Variants in CTNND2 observed in about 807,000 individuals in gnomAD.
The protein encoded by CTNND2 is catenin delta 2.
Under a neutral mutation model 144.4 loss-of-function variants are expected in CTNND2, and 22 were observed. That is an observed-to-expected ratio of 0.15 (90% CI 0.11 to 0.22). CTNND2 has a LOEUF of 0.22. Among genes scored for constraint, CTNND2 ranks in the 10% least tolerant of loss-of-function variants. The pLI is 1.00. For missense variants in CTNND2, 1,353 were observed against 1,618.8 expected (o/e 0.84, Z 2.82); for synonymous variants, 751 against 695.6 (o/e 1.08, Z -1.25).
intron 1 of CTNND2, among the ~76,000 whole-genome samples, chr5:11,853,525 C>T (rs1795113318): frequency 6.6e-6 from 1 of 152,244 alleles, no homozygotes; most frequent in African/African-American, 2.4e-5. Flanking sequence ...CAAGTCACTG[C>T]CCACACCTGG....
At chr5:11,177,539 G>A (rs1333518982) in intron 11 of CTNND2, among the ~76,000 whole-genome samples, 2 of 151,826 alleles carry the variant, frequency 1.3e-5, no homozygotes, top group Admixed American at 1.3e-4. Context: ...CAAAATATAT[G>A]TATAAAATAT....
At chr5:11,443,129 T>C (rs906887456) in intron 3 of CTNND2, among the ~76,000 whole-genome samples, 1 of 151,380 alleles carries the variant, frequency 6.6e-6, no homozygotes, top group Non-Finnish European at 1.5e-5. Context: ...GTCACTTTTG[T>C]TTATTACAAC....
At chr5:11,444,496 G>C (rs1183497858) in intron 3 of CTNND2, among the ~76,000 whole-genome samples, 1 of 152,128 alleles carries the variant, frequency 6.6e-6, no homozygotes, top group African/African-American at 2.4e-5. Context: ...GGAAGTATAA[G>C]ATGAAGGGCA....
intron 16 of CTNND2, among the ~76,000 whole-genome samples, chr5:11,070,114 G>GAGAAAATA (rs1345810680): frequency 2.0e-5 from 3 of 152,072 alleles, no homozygotes; most frequent in African/African-American, 7.2e-5. Context: ...CGAAAATTAA[G>GAGAAAATA]AGAAAATAAA....
intron 11 of CTNND2, among the ~76,000 whole-genome samples, chr5:11,174,791 C>G (rs771183884): frequency 4.6e-5 from 7 of 152,128 alleles, no homozygotes; most frequent in Non-Finnish European, 8.8e-5. Flanking sequence ...TGGCAAAGCA[C>G]GCAGAACGGT....
rs1417330047 is a variant in CTNND2, at chr5:10,992,535, C to T, written c.3211+16G>A. 1.7e-5 allele frequency: 28 copies of T among 1,613,492 alleles called. No homozygotes were observed. The highest frequency in any genetic ancestry group is 2.2e-5 in the Non-Finnish European group (26 of 1,179,984). ...GAGAAATAAAGCCTGGCTGGCTAGC[C>T]ACGGCAGCCTCTTACCTGAGCGGTT... On this transcript the variant is annotated intron_variant, in intron 19 of 21. Transcript: ENST00000304623.
At chr5:11,202,265 A>T (rs1365416433) in intron 10 of CTNND2, among the ~76,000 whole-genome samples, 1 of 152,210 alleles carries the variant, frequency 6.6e-6, no homozygotes. Flanking sequence ...TTAATGAATT[A>T]AATGATTAAA....
At chr5:10,999,180 T>C (rs1415882352) in intron 18 of CTNND2, among the ~76,000 whole-genome samples, 2 of 152,246 alleles carry the variant, frequency 1.3e-5, no homozygotes, top group Non-Finnish European at 2.9e-5. Context: ...TGACATTCCT[T>C]CTATTCCACT....
In CTNND2 at chr5:11,145,330, C is replaced by T. The variant is rs1279180197; in HGVS notation, c.2159+14246G>A. Among the ~76,000 whole-genome samples the T allele has an allele frequency of 2.5e-5, 3 of 121,538 alleles. 1 individual carries two copies. Among genetic ancestry groups the T allele is most frequent in the Admixed American group, 9.3e-5 (1 of 10,758 alleles). 79.7% of individuals were successfully genotyped at this position (121,538 alleles called of 152,430 possible). On this transcript the variant is annotated intron_variant, in intron 12 of 21. Coordinates refer to ENST00000304623, the MANE Select transcript of CTNND2 (RefSeq NM_001332.4). Reference sequence around the variant, plus strand: ...TGGGATCTGGCCCTGCACAGCTCAGCCTCCCTTGCCTCCCCCTGTCCCAGC... The same window carrying T: ...TGGGATCTGGCCCTGCACAGCTCAGTCTCCCTTGCCTCCCCCTGTCCCAGC...
At chr5:11,727,463 GATC>G (rs1251854052) in intron 2 of CTNND2, among the ~76,000 whole-genome samples, 6 of 152,044 alleles carry the variant, frequency 3.9e-5, no homozygotes, top group Non-Finnish European at 8.8e-5. Flanking sequence ...TCAAACAGAT[GATC>G]ACTATTCCTA....
intron 2 of CTNND2, among the ~76,000 whole-genome samples, chr5:11,606,389 A>C (rs1433278106): frequency 1.3e-5 from 2 of 152,190 alleles, no homozygotes; most frequent in African/African-American, 4.8e-5. Flanking sequence ...TGGCAGAAGC[A>C]ATACAAAACT....
At chr5:11,383,993 C>T in intron 7 of CTNND2, among the ~76,000 whole-genome samples, 1 of 152,132 alleles carries the variant, frequency 6.6e-6, no homozygotes, top group East Asian at 1.9e-4. Context: ...GCCCCTCCCT[C>T]CCTGTAATAA....
At chr5:11,141,739 C>T (rs1188257526) in intron 12 of CTNND2, among the ~76,000 whole-genome samples, 2 of 152,170 alleles carry the variant, frequency 1.3e-5, no homozygotes, top group African/African-American at 4.8e-5. Context: ...TCTGCATCTT[C>T]ATCTATGGCC....
At chr5:11,360,869 A>G (rs1756378273) in intron 8 of CTNND2, among the ~76,000 whole-genome samples, 1 of 152,224 alleles carries the variant, frequency 6.6e-6, no homozygotes, top group African/African-American at 2.4e-5. Flanking sequence ...AGAGTATCTT[A>G]AACAGATATT....
intron 7 of CTNND2, among the ~76,000 whole-genome samples, chr5:11,375,121 T>C (rs373652624): frequency 3.3e-4 from 51 of 152,302 alleles, no homozygotes; most frequent in African/African-American, 1.1e-3. Flanking sequence ...TTGCATAAGA[T>C]AGGTAATAGG....
intron 11 of CTNND2, among the ~76,000 whole-genome samples, chr5:11,175,541 T>A (rs1490892588): frequency 6.6e-6 from 1 of 152,208 alleles, no homozygotes; most frequent in African/African-American, 2.4e-5. Context: ...TAGCCACATC[T>A]TAATTTTTAA....
At chr5:11,755,489 C>T (rs1006559435) in intron 1 of CTNND2, among the ~76,000 whole-genome samples, 9 of 151,676 alleles carry the variant, frequency 5.9e-5, no homozygotes, top group Admixed American at 2.6e-4. Flanking sequence ...GTTGGCCTCT[C>T]TAGCAAGGCT....
chr5:11,407,917 C>T (rs1761219828), intron 5 of CTNND2, among the ~76,000 whole-genome samples: 1 of 152,110 alleles, frequency 6.6e-6, no homozygotes, highest in African/African-American at 2.4e-5. Context: ...GTGCTGTACA[C>T]TCACTCTCTG....
chr5:11,818,878 C>A (rs74767446), intron 1 of CTNND2, among the ~76,000 whole-genome samples: 1 of 152,154 alleles, frequency 6.6e-6, no homozygotes, highest in South Asian at 2.1e-4. Flanking sequence ...CGGGTTTCCT[C>A]TCCTCAGCAA....
Sources: gnomAD v4.1 joint callset for allele counts (sites outside exome capture counted in the v4.1 genomes callset) on GRCh38, gnomAD v4.1.1 for gene constraint, MANE v1.5 for transcripts, NCBI Gene and HGNC (gene_info 2026-07-23, HGNC 2026-07-21) for gene names.